The following SLC4A7 variants were observed in gnomAD, a reference collection of about 807,000 sequenced individuals.
SLC4A7 encodes solute carrier family 4 member 7.
A neutral mutation model predicts 137.6 loss-of-function variants in SLC4A7; 51 were observed. That is an observed-to-expected ratio of 0.37 (90% confidence interval 0.30 to 0.47). The LOEUF is 0.47. SLC4A7 is among the 20% of genes least tolerant of loss of function. The pLI is 1.00. For missense variants in SLC4A7, 1,247 were observed against 1,525.4 expected (o/e 0.82, Z 3.04); for synonymous variants, 542 against 518.6 (o/e 1.05, Z -0.61).
intron 1 of SLC4A7, among the ~76,000 whole-genome samples, chr3:27,483,865 C>A (rs1434839404): frequency 6.6e-6 from 1 of 150,922 alleles, no homozygotes; most frequent in Non-Finnish European, 1.5e-5. Context: ...GCCTCCCGAG[C>A]GCAGCCGCTG....
At chr3:27,442,714 C>T (rs1194937537) in intron 3 of SLC4A7, among the ~76,000 whole-genome samples, 1 of 152,072 alleles carries the variant, frequency 6.6e-6, no homozygotes, top group African/African-American at 2.4e-5. Context: ...GGTCACATGG[C>T]AGGGAAAGAT....
At chr3:27,455,306 T>G (rs976282474) in intron 1 of SLC4A7, among the ~76,000 whole-genome samples, 1 of 152,184 alleles carries the variant, frequency 6.6e-6, no homozygotes, top group African/African-American at 2.4e-5. Flanking sequence ...CAAAAGCACA[T>G]TGTAGTGAAT....
At chr3:27,379,465 A>G (rs924500623) in intron 24 of SLC4A7, 109 bp from the exon 25 acceptor site, 3 of 588,482 alleles carry the variant, frequency 5.1e-6, no homozygotes, top group Non-Finnish European at 9.0e-6. Context: ...CCTTTGCCAG[A>G]TATCAGAATT....
At chr3:27,438,883 G>C (rs1455822429) in intron 3 of SLC4A7, among the ~76,000 whole-genome samples, 1 of 152,174 alleles carries the variant, frequency 6.6e-6, no homozygotes, top group Non-Finnish European at 1.5e-5. Context: ...CTGTAAGCTT[G>C]GGGTTTTGGG....
chr3:27,391,707 T>C (rs772407331), intron 21 of SLC4A7, 33 bp downstream of exon 21: 3 of 1,207,176 alleles, frequency 2.5e-6, no homozygotes, highest in Non-Finnish European at 3.6e-6. Context: ...TTATCAAGTT[T>C]CTATAGAAAA....
intron 24 of SLC4A7, 143 bp from the exon 25 acceptor site, chr3:27,379,499 T>C (rs752962975): frequency 2.1e-5 from 12 of 568,180 alleles, no homozygotes; most frequent in Non-Finnish European, 3.5e-5. Context: ...AAAGTCCTTA[T>C]GAAGAATTAC....
At chr3:27,437,218 G>A (rs2056805434) in intron 4 of SLC4A7, among the ~76,000 whole-genome samples, 170 bp downstream of exon 4, 1 of 152,050 alleles carries the variant, frequency 6.6e-6, no homozygotes. Context: ...AGGCGTGGTG[G>A]CGGGCGCCTG....
chr3:27,457,034 G>T (rs1334857942), intron 1 of SLC4A7: 1 of 570,398 alleles, frequency 1.8e-6, no homozygotes, highest in Non-Finnish European at 2.2e-6. Context: ...GGATGTGTGA[G>T]AGTATGGTTT....
chr3:27,408,425 T>C (rs556636842), intron 13 of SLC4A7, among the ~76,000 whole-genome samples: 1 of 152,324 alleles, frequency 6.6e-6, no homozygotes, highest in Admixed American at 6.5e-5. Flanking sequence ...GATTAAAGAC[T>C]AAGGTAAAAA....
At chr3:27,465,914 A>C (rs1323700676) in intron 1 of SLC4A7, among the ~76,000 whole-genome samples, 1 of 148,534 alleles carries the variant, frequency 6.7e-6, no homozygotes, top group African/African-American at 2.5e-5. Context: ...AGATCGCCCC[A>C]CTGCACTCCA....
At chr3:27,379,730 A>G (rs983523716) in intron 24 of SLC4A7, among the ~76,000 whole-genome samples, 3 of 152,220 alleles carry the variant, frequency 2.0e-5, no homozygotes, top group African/African-American at 7.2e-5. Context: ...TACAATCTCA[A>G]GTCGACTAGA....
At chr3:27,403,627 C>T (rs2053023949) in intron 14 of SLC4A7, among the ~76,000 whole-genome samples, 1 of 151,870 alleles carries the variant, frequency 6.6e-6, no homozygotes, top group East Asian at 1.9e-4. Context: ...TAGTTTATTA[C>T]ACTTATATAA....
At chr3:27,424,238 A>G in intron 7 of SLC4A7, 86 bp from the exon 8 acceptor site, 1 of 654,730 alleles carries the variant, frequency 1.5e-6, no homozygotes, top group Non-Finnish European at 2.6e-6. Context: ...GTGATGATTT[A>G]TGAATATTAT....
intron 1 of SLC4A7, chr3:27,456,806 T>C (rs2058439119): frequency 1.4e-6 from 2 of 1,471,762 alleles, no homozygotes; most frequent in Non-Finnish European, 1.8e-6. Context: ...TCTTCTAAGT[T>C]ACTTTTATGG....
chr3:27,408,488 AGGTTT>A (rs1439422863), intron 13 of SLC4A7, among the ~76,000 whole-genome samples: 1 of 152,244 alleles, frequency 6.6e-6, no homozygotes, highest in African/African-American at 2.4e-5. Flanking sequence ...TTCAGTTGTT[AGGTTT>A]ATTTCATGTT....
In SLC4A7 at chr3:27,448,669, G is replaced by A. The variant is rs35182302; in HGVS notation, c.271C>T (p.Arg91Trp). ...KDKESDKEDG[R>W]ESPSYDTPSQ... ...CTCTTACCATAAGAAGGAGATTCCC[G>A]TCCATCTTCTTTATCTGATTCTTTA... Residue 91 changes from arginine to tryptophan, a missense_variant, in exon 3 of 26, where the codon CGG becomes TGG. By Grantham distance (101) the Arg-to-Trp change is moderately radical. Around this residue, in one of 6 missense-constraint regions of SLC4A7, gnomAD observed 176 missense variants for 186.4 expected, o/e 0.94. Coordinates refer to ENST00000454389, the MANE Select transcript of SLC4A7 (RefSeq NM_001321103.2). 53 of 1,611,310 alleles carry A rather than the reference G, an allele frequency of 3.3e-5. No homozygotes were observed. Among genetic ancestry groups the A allele is most frequent in the East Asian group, 1.6e-4 (7 of 44,794 alleles).
intron 3 of SLC4A7, among the ~76,000 whole-genome samples, chr3:27,441,516 G>A (rs749201000): frequency 2.4e-4 from 36 of 151,970 alleles, no homozygotes; most frequent in Middle Eastern, 3.2e-3. Context: ...TATTTTTTAA[G>A]AGACGGTATC....
At chr3:27,470,615 C>A (rs1157691459) in intron 1 of SLC4A7, among the ~76,000 whole-genome samples, 3 of 150,018 alleles carry the variant, frequency 2.0e-5, no homozygotes, top group African/African-American at 7.4e-5. Context: ...AGGGTGGCTA[C>A]CTCATGGGCA....
chr3:27,467,437 CTAAT>C (rs2059056279), intron 1 of SLC4A7, among the ~76,000 whole-genome samples: 1 of 152,156 alleles, frequency 6.6e-6, no homozygotes, highest in Admixed American at 6.6e-5. Flanking sequence ...TCAGTAACAG[CTAAT>C]TAAATTGAAA....
Sources: allele counts gnomAD v4.1 joint callset (sites outside exome capture counted in the v4.1 genomes callset), GRCh38; gene constraint gnomAD v4.1.1; regional missense constraint gnomAD v4.1.1; transcripts MANE v1.5; gene names NCBI Gene and HGNC (gene_info 2026-07-23, HGNC 2026-07-21).